LRRK2: variants seen among roughly 807,000 people sequenced by gnomAD.
LRRK2 encodes leucine-rich repeat serine/threonine-protein kinase 2.
Under a neutral mutation model 302.6 loss-of-function variants are expected in LRRK2, and 203 were observed. The observed-to-expected ratio is 0.67, with a 90% confidence interval of 0.60 to 0.75. LRRK2 has a LOEUF of 0.75. Among genes scored for constraint, LRRK2 ranks in the 30% least tolerant of loss-of-function variants. The pLI, the probability that LRRK2 is intolerant of heterozygous loss-of-function variation, is 0.00. For missense variants in LRRK2, 2,830 were observed against 2,951.0 expected, an observed-to-expected ratio of 0.96 and a Z score of 0.95; for synonymous variants, 1,066 against 1,031.9, an observed-to-expected ratio of 1.03 and a Z score of -0.63.
chr12:40,231,667 A>G (rs1941201979), intron 2 of LRRK2, among the ~76,000 whole-genome samples: 1 of 147,778 alleles, frequency 6.8e-6, no homozygotes, highest in Non-Finnish European at 1.5e-5. Context: ...CTCTAAAACT[A>G]TTTTTTATAG....
chr12:40,261,630 A>G (rs1474370438), intron 13 of LRRK2, among the ~76,000 whole-genome samples: 2 of 152,146 alleles, frequency 1.3e-5, no homozygotes, highest in Admixed American at 6.6e-5. Context: ...GCCGTGCAGT[A>G]CCGTATCATT....
intron 13 of LRRK2, among the ~76,000 whole-genome samples, chr12:40,262,724 A>G (rs151012280): frequency 5.9e-5 from 9 of 152,338 alleles, no homozygotes; most frequent in Non-Finnish European, 1.0e-4. Flanking sequence ...AAGATGTTAA[A>G]TAAGACCCAT....
At chr12:40,281,039 G>GC (rs1369544530) in intron 18 of LRRK2, among the ~76,000 whole-genome samples, 1 of 148,360 alleles carries the variant, frequency 6.7e-6, no homozygotes, top group Non-Finnish European at 1.5e-5. Flanking sequence ...CTGCACTGCA[G>GC]CCTGGGCGAC....
chr12:40,334,223 G>T (rs897421650), intron 39 of LRRK2, among the ~76,000 whole-genome samples: 24 of 152,180 alleles, frequency 1.6e-4, no homozygotes, highest in Admixed American at 6.5e-5. Flanking sequence ...CAGTAGATGA[G>T]TTTGACGTGG....
chr12:40,310,190 G>A (rs572487665), intron 30 of LRRK2, among the ~76,000 whole-genome samples: 31 of 152,192 alleles, frequency 2.0e-4, no homozygotes, highest in African/African-American at 7.5e-4. Context: ...CGTTATATAT[G>A]CCACCTAAAA....
At chr12:40,341,736 G>A (rs1946050374) in intron 41 of LRRK2, among the ~76,000 whole-genome samples, 1 of 152,038 alleles carries the variant, frequency 6.6e-6, no homozygotes, top group Non-Finnish European at 1.5e-5. Context: ...TCAGTAATTG[G>A]CCAAGATAAG....
intron 2 of LRRK2, among the ~76,000 whole-genome samples, chr12:40,231,776 A>G (rs1249829541): frequency 1.4e-5 from 2 of 147,084 alleles, no homozygotes; most frequent in Non-Finnish European, 3.0e-5. Context: ...TATATTATAT[A>G]TTATGTATAA....
At chr12:40,235,526 A>G (rs1941410525) in intron 3 of LRRK2, 100 bp from the exon 4 acceptor site, 1 of 755,250 alleles carries the variant, frequency 1.3e-6, no homozygotes, top group East Asian at 2.6e-5. Flanking sequence ...AATTAAATAC[A>G]ATGAGAGTAA....
At chr12:40,357,338 T>C (rs1946570320) in intron 46 of LRRK2, among the ~76,000 whole-genome samples, 1 of 147,908 alleles carries the variant, frequency 6.8e-6, no homozygotes, top group Non-Finnish European at 1.5e-5. Context: ...CATTCATTCA[T>C]TCATGGGTGC....
At chr12:40,278,365 C>G in intron 18 of LRRK2, 104 bp downstream of exon 18, 1 of 1,379,338 alleles carries the variant, frequency 7.2e-7, no homozygotes, top group South Asian at 1.2e-5. Flanking sequence ...TTCTTCACTA[C>G]AGAAATTTAC....
intron 41 of LRRK2, among the ~76,000 whole-genome samples, chr12:40,340,931 A>G (rs911857741): frequency 3.3e-5 from 5 of 152,160 alleles, no homozygotes; most frequent in African/African-American, 4.8e-5. Context: ...GCTTATTACA[A>G]TCTTTATTTC....
At position 40,238,080 on chromosome 12, in the gene LRRK2, C is replaced by T; in HGVS notation, c.548C>T (p.Ala183Val). 6.2e-7 allele frequency: 1 copy of T among 1,613,606 alleles called. No individual in the cohort carries two copies. Among genetic ancestry groups the T allele is most frequent in the African/African-American group, 1.3e-5 (1 of 74,990 alleles). Residue 183 changes from alanine (A) to valine (V), a missense_variant, in exon 5 of 51, where the codon GCT becomes GTT. Ala to Val is a moderately conservative substitution (Grantham distance 64). Coordinates refer to ENST00000298910, the MANE Select transcript of LRRK2 (RefSeq NM_198578.4). ...NDEVQKLGCK[A>V]LHVLFERVSE... ...GAAGTCCAGAAACTTGGATGCAAAG[C>T]TTTACATGTGCTGTTTGAGAGAGGT...
Position 40,245,150 on chromosome 12 carries a change from C to T in LRRK2, c.838+1469C>T, listed in dbSNP as rs1941923279. Among the ~76,000 whole-genome samples the T allele has an allele frequency of 2.0e-5, 3 of 151,938 alleles. No homozygotes were observed. The South Asian group carries it at 6.2e-4, about 32-fold the overall frequency. On this transcript the variant is annotated intron_variant, in intron 7 of 50. Transcript: ENST00000298910. ...TGTATCTTGTTTAAGAAATCTTAAT[C>T]TGTCCTTTCCCTAAGATAATAAATA...
At chr12:40,257,400 T>C in intron 12 of LRRK2, 23 bp downstream of exon 12, 1 of 1,605,652 alleles carries the variant, frequency 6.2e-7, no homozygotes, top group Non-Finnish European at 8.5e-7. Context: ...CATTAACTTG[T>C]ACAGAATATA....
Position 40,225,621 on chromosome 12 carries a change from G to T in LRRK2, c.218G>T (p.Arg73Ile). Residue 73 changes from arginine (R) to isoleucine (I), a missense_variant, in exon 2 of 51, where the codon AGA (arginine) becomes ATA (isoleucine). This residue lies in a region of LRRK2 where 2,121 missense variants were observed against 2,148.0 expected (regional missense o/e 0.99). Transcript: ENST00000298910. ...TTGATCGTCTTGGACTCCTATATGA[G>T]AGTCGCGAGTGTGCAGCAGGTAAAG... ...PLLIVLDSYM[R>I]VASVQQVGWS... 6.2e-7 allele frequency: 1 copy of T among 1,613,952 alleles called. No homozygotes were observed. Among genetic ancestry groups the T allele is most frequent in the Admixed American group, 1.7e-5 (1 of 60,012 alleles).
At chr12:40,334,851 T>A (rs1316596845) in intron 39 of LRRK2, 116 bp from the exon 40 acceptor site, 2 of 1,178,194 alleles carry the variant, frequency 1.7e-6, no homozygotes, top group Non-Finnish European at 1.2e-6. Context: ...GAAAGTTTGC[T>A]ATGATCCAGT....
At chr12:40,251,623 C>A (rs899598240) in intron 10 of LRRK2, 79 bp downstream of exon 10, 2 of 1,221,240 alleles carry the variant, frequency 1.6e-6, no homozygotes, top group African/African-American at 1.5e-5. Flanking sequence ...TTAACCGTAA[C>A]TTTTATTGTT....
chr12:40,348,300 G>T, intron 42 of LRRK2, 109 bp from the exon 43 acceptor site: 1 of 750,144 alleles, frequency 1.3e-6, no homozygotes. Context: ...ATAGGATTAT[G>T]GAGATAATAT....
At chr12:40,236,437 T>A (rs1210759055) in intron 4 of LRRK2, among the ~76,000 whole-genome samples, 1 of 152,168 alleles carries the variant, frequency 6.6e-6, no homozygotes, top group Admixed American at 6.5e-5. Flanking sequence ...GCCTGGTAGA[T>A]AATGGACCTG....
Sources: gnomAD v4.1 joint callset for allele counts (sites outside exome capture counted in the v4.1 genomes callset) on GRCh38, gnomAD v4.1.1 for gene constraint, gnomAD v4.1.1 regional missense constraint, MANE v1.5 for transcripts, NCBI Gene and HGNC (gene_info 2026-07-23, HGNC 2026-07-21) for gene names.